Variants in LARP4 observed in about 807,000 individuals in gnomAD.
The protein encoded by LARP4 is la-related protein 4.
A neutral mutation model predicts 92.9 loss-of-function variants in LARP4; 29 were observed. The ratio of observed to expected loss-of-function variants is 0.31; its 90% CI spans 0.23 to 0.43. The LOEUF (loss-of-function observed/expected upper bound fraction) is 0.43. Ranked by LOEUF, LARP4 falls within the 20% of genes least tolerant of loss-of-function variation. The pLI, the probability that LARP4 is intolerant of heterozygous loss-of-function variation, is 1.00. For synonymous variants in LARP4, 279 were observed against 284.1 expected, an observed-to-expected ratio of 0.98 and a Z score of 0.18; for missense variants, 732 against 860.0, an observed-to-expected ratio of 0.85 and a Z score of 1.86.
At position 50,458,444 on chromosome 12, in the gene LARP4, TAATG is replaced by T. The variant is rs1490475570; in HGVS notation, c.1122-2690_1122-2687del. 5.3e-5 allele frequency among the ~76,000 whole-genome samples: 8 copies of T among 152,256 alleles called. No homozygotes were observed. In the South Asian group the frequency reaches 1.0e-3, roughly 20 times the overall value. On this transcript the variant is annotated intron_variant, in intron 10 of 15. Transcript: ENST00000398473. ...CACACCCAGCTACTTTAAGTTTTAATAATGGTAATTTTTTATGGTCTGTAAAGAA... is the reference window on the plus strand; with the variant it reads ...CACACCCAGCTACTTTAAGTTTTAATGTAATTTTTTATGGTCTGTAAAGAA...
intron 8 of LARP4, 76 bp from the exon 9 acceptor site, chr12:50,453,384 T>C (rs1565678159): frequency 1.2e-6 from 1 of 839,486 alleles, no homozygotes; most frequent in East Asian, 2.7e-5. Context: ...GTAAAATATA[T>C]GTTAAAATGT....
chr12:50,425,876 C>T (rs1181601864), intron 1 of LARP4, among the ~76,000 whole-genome samples: 2 of 152,178 alleles, frequency 1.3e-5, no homozygotes, highest in Non-Finnish European at 2.9e-5. Context: ...TCCTCCTCAG[C>T]TTCTCTTTCC....
At chr12:50,436,051 C>CTGTGTGTG (rs57676021) in intron 5 of LARP4, among the ~76,000 whole-genome samples, 3 of 137,688 alleles carry the variant, frequency 2.2e-5, no homozygotes, top group African/African-American at 8.6e-5. Flanking sequence ...TTTACTGACT[C>CTGTGTGTG]TGTGTGTGTG....
intron 13 of LARP4, among the ~76,000 whole-genome samples, chr12:50,470,958 T>C (rs1344530918): frequency 1.3e-5 from 2 of 152,158 alleles, no homozygotes; most frequent in Non-Finnish European, 2.9e-5. Flanking sequence ...GTGGGCCATG[T>C]ATTGTCACAT....
chr12:50,426,883 C>T (rs1458665846), intron 1 of LARP4, among the ~76,000 whole-genome samples: 3 of 151,760 alleles, frequency 2.0e-5, no homozygotes, highest in African/African-American at 7.3e-5. Flanking sequence ...GGACTACAGG[C>T]GCCCACCAAC....
intron 5 of LARP4, among the ~76,000 whole-genome samples, chr12:50,437,411 C>T (rs1950593601): frequency 6.6e-6 from 1 of 151,588 alleles, no homozygotes; most frequent in Admixed American, 6.6e-5. Context: ...GTTATCTCCT[C>T]AATGAAGAAT....
chr12:50,403,908 G>A (rs1944325015), intron 1 of LARP4, among the ~76,000 whole-genome samples: 1 of 137,746 alleles, frequency 7.3e-6, no homozygotes, highest in Non-Finnish European at 1.5e-5. Flanking sequence ...TCTCTATGAG[G>A]TGTTAGTATC....
intron 8 of LARP4, 56 bp from the exon 9 acceptor site, chr12:50,453,404 G>C (rs1953631991): frequency 5.0e-6 from 5 of 1,010,038 alleles, no homozygotes; most frequent in Non-Finnish European, 6.1e-6. Flanking sequence ...TAAATTAAAT[G>C]TATTTTTTAA....
intron 13 of LARP4, among the ~76,000 whole-genome samples, chr12:50,469,794 A>C (rs1344950392): frequency 1.3e-5 from 2 of 150,872 alleles, no homozygotes; most frequent in African/African-American, 4.9e-5. Context: ...CTGTAGTCCC[A>C]GCTACTCTGG....
At chr12:50,460,495 A>AT (rs1031760593) in intron 10 of LARP4, among the ~76,000 whole-genome samples, 50 of 140,000 alleles carry the variant, frequency 3.6e-4, no homozygotes, top group Non-Finnish European at 3.9e-4. Context: ...GCACATTTTA[A>AT]TTTTTTTTTG....
intron 9 of LARP4, among the ~76,000 whole-genome samples, chr12:50,453,996 G>A (rs776563838): frequency 6.6e-6 from 1 of 152,112 alleles, no homozygotes; most frequent in Non-Finnish European, 1.5e-5. Context: ...ATGACTAAGA[G>A]GTGAGCTATT....
intron 10 of LARP4, chr12:50,454,773 A>G (rs1354823812): frequency 5.6e-6 from 1 of 177,354 alleles, no homozygotes; most frequent in African/African-American, 2.4e-5. Context: ...AATGTTGTTA[A>G]CTGAATTGTG....
chr12:50,448,237 GT>G (rs1032187142), intron 8 of LARP4, among the ~76,000 whole-genome samples: 6 of 151,976 alleles, frequency 3.9e-5, no homozygotes, highest in Non-Finnish European at 7.4e-5. Flanking sequence ...ATTTTTGTTT[GT>G]TTTATCTTTT....
chr12:50,427,993 CT>C (rs781256448), intron 2 of LARP4, 84 bp downstream of exon 2: 13,133 of 302,930 alleles, frequency 0.043, no homozygotes, highest in Middle Eastern at 0.058. Flanking sequence ...AGACACATCT[CT>C]TTTTTTTTTT....
At chr12:50,456,485 A>T (rs1243310261) in intron 10 of LARP4, among the ~76,000 whole-genome samples, 1 of 152,178 alleles carries the variant, frequency 6.6e-6, no homozygotes, top group Non-Finnish European at 1.5e-5. Context: ...GACTACTGCC[A>T]GGCATTTATT....
At position 50,457,197 on chromosome 12, in the gene LARP4, C is replaced by T. The variant is rs534548454; in HGVS notation, c.1121+2780C>T. 1.3e-4 allele frequency among the ~76,000 whole-genome samples: 19 copies of T among 144,650 alleles called. No individual in the cohort carries two copies. The East Asian group carries it at 2.7e-3, about 20-fold the overall frequency. The allele number at this position is 144,650 out of a possible 152,430, so 94.9% of individuals were successfully genotyped here. Reference sequence around the variant, plus strand: ...GATTACAGGCATGAGCCACCATACCCGGCCTTTTTTTTTTTTTTTTTTTTT... The same window carrying T: ...GATTACAGGCATGAGCCACCATACCTGGCCTTTTTTTTTTTTTTTTTTTTT... On this transcript the variant is annotated intron_variant, in intron 10 of 15. Coordinates refer to ENST00000398473, the MANE Select transcript of LARP4 (RefSeq NM_052879.5).
intron 6 of LARP4, among the ~76,000 whole-genome samples, chr12:50,440,216 C>A (rs1951005365): frequency 6.6e-6 from 1 of 152,114 alleles, no homozygotes; most frequent in African/African-American, 2.4e-5. Context: ...GCGGAAGGAT[C>A]GCTTGCATCC....
intron 10 of LARP4, 112 bp from the exon 11 acceptor site, chr12:50,461,023 A>G (rs1205427873): frequency 2.6e-6 from 2 of 761,076 alleles, no homozygotes; most frequent in Non-Finnish European, 4.5e-6. Flanking sequence ...TTTTGTGTTT[A>G]ACTTAATTTT....
chr12:50,437,949 A>G (rs1489168402), intron 6 of LARP4, 111 bp downstream of exon 6: 1 of 615,622 alleles, frequency 1.6e-6, no homozygotes, highest in South Asian at 2.2e-5. Context: ...CAAGCAAAGC[A>G]TAAGTCAGTG....
Sources: allele counts gnomAD v4.1 joint callset (sites outside exome capture counted in the v4.1 genomes callset), GRCh38; gene constraint gnomAD v4.1.1; transcripts MANE v1.5; gene names NCBI Gene and HGNC (gene_info 2026-07-23, HGNC 2026-07-21).